The following PRKG1 variants were observed in gnomAD, a reference collection of about 807,000 sequenced individuals.
The protein encoded by PRKG1 is cGMP-dependent protein kinase 1.
In PRKG1, 35 loss-of-function variants were observed where a neutral mutation model predicts 88.1. That is an observed-to-expected ratio of 0.40 (90% CI 0.30 to 0.53). The LOEUF is 0.53. Among genes scored for constraint, PRKG1 ranks in the 20% least tolerant of loss-of-function variants. The pLI is 0.59. For synonymous variants in PRKG1, 303 were observed against 292.5 expected (o/e 1.04, Z -0.37); for missense variants, 540 against 839.8 (o/e 0.64, Z 4.41).
At position 51,392,995 on chromosome 10, in the gene PRKG1, G is replaced by T. The variant is rs569863230; in HGVS notation, c.479-74728G>T. ...CTCCCTCCCGGACAGGGTAGCTGCCGGGCAGAGACACTCCTCACTTCCCAG... is the reference window on the plus strand; with the variant it reads ...CTCCCTCCCGGACAGGGTAGCTGCCTGGCAGAGACACTCCTCACTTCCCAG... On this transcript the variant is annotated intron_variant, in intron 2 of 17. Coordinates refer to ENST00000373980, the MANE Select transcript of PRKG1 (RefSeq NM_006258.4). 1.2e-3 allele frequency among the ~76,000 whole-genome samples: 185 copies of T among 150,966 alleles called. 1 individual carries two copies. Among genetic ancestry groups the T allele is most frequent in the African/African-American group, 4.4e-3 (180 of 40,880 alleles).
At chr10:52,272,260 G>T (rs1236370542) in intron 11 of PRKG1, 132 bp from the exon 12 acceptor site, 2 of 588,918 alleles carry the variant, frequency 3.4e-6, no homozygotes, top group African/African-American at 1.9e-5. Flanking sequence ...CCATGTGTGG[G>T]CTTAGATCTC....
intron 4 of PRKG1, among the ~76,000 whole-genome samples, chr10:51,840,417 G>A (rs991230635): frequency 7.9e-5 from 12 of 151,974 alleles, no homozygotes; most frequent in Admixed American, 7.9e-4. Context: ...TTACAGTCAC[G>A]AATAGGCTTA....
At chr10:51,118,855 T>C (rs763813453) in intron 1 of PRKG1, among the ~76,000 whole-genome samples, 11 of 152,162 alleles carry the variant, frequency 7.2e-5, no homozygotes, top group Non-Finnish European at 1.0e-4. Flanking sequence ...TGGAACAAGC[T>C]AGGTTAATTG....
chr10:51,069,155 G>C (rs1393808307), intron 1 of PRKG1, among the ~76,000 whole-genome samples: 1 of 151,862 alleles, frequency 6.6e-6, no homozygotes, highest in Non-Finnish European at 1.5e-5. Context: ...CACTAATTCA[G>C]TATTAAATGC....
intron 2 of PRKG1, among the ~76,000 whole-genome samples, chr10:51,365,263 A>G (rs1030492179): frequency 6.6e-6 from 1 of 151,866 alleles, no homozygotes; most frequent in Non-Finnish European, 1.5e-5. Flanking sequence ...CATTAACAAC[A>G]TATCTAACAG....
intron 5 of PRKG1, among the ~76,000 whole-genome samples, chr10:52,053,510 T>C (rs904080596): frequency 6.6e-6 from 1 of 152,202 alleles, no homozygotes; most frequent in Non-Finnish European, 1.5e-5. Flanking sequence ...TAATGTTTTA[T>C]TTCCCAAAAA....
At chr10:52,174,186 A>G (rs2132715214) in intron 9 of PRKG1, among the ~76,000 whole-genome samples, 1 of 151,974 alleles carries the variant, frequency 6.6e-6, no homozygotes, top group South Asian at 2.1e-4. Flanking sequence ...ACTTTATGAT[A>G]TTACTTAAAC....
intron 1 of PRKG1, among the ~76,000 whole-genome samples, chr10:51,007,827 A>T (rs556046305): frequency 5.9e-5 from 9 of 152,244 alleles, no homozygotes; most frequent in African/African-American, 7.2e-5. Context: ...GGAAAGTAGG[A>T]AATACTAATT....
chr10:51,804,690 G>T lies in PRKG1; in HGVS notation c.698G>T (p.Ser233Ile), dbSNP rs755688639. 6.5e-7 allele frequency: 1 copy of T among 1,540,108 alleles called. No individual in the cohort carries two copies. The highest frequency in any genetic ancestry group is 1.1e-5 in the South Asian group (1 of 89,004). Residue 233 changes from serine to isoleucine, a missense_variant and splice_region_variant, in exon 4 of 18, where the codon AGC (serine) becomes ATC (isoleucine). Coordinates refer to ENST00000373980, the MANE Select transcript of PRKG1 (RefSeq NM_006258.4). ...KHTEYMEFLK[S>I]VPTFQSLPEE... is the part of the protein sequence containing the mutation. ...ACCGAGTATATGGAATTTTTAAAAA[G>T]GTAGGATGCTTTCTTTTCTCTTGTG...
At chr10:51,002,765 T>A (rs1325723659) in intron 1 of PRKG1, among the ~76,000 whole-genome samples, 1 of 152,196 alleles carries the variant, frequency 6.6e-6, no homozygotes, top group African/African-American at 2.4e-5. Flanking sequence ...CTTATTTTGG[T>A]CTGTCCCAGC....
intron 3 of PRKG1, among the ~76,000 whole-genome samples, chr10:51,794,014 T>G (rs1838943898): frequency 6.6e-6 from 1 of 152,058 alleles, no homozygotes; most frequent in African/African-American, 2.4e-5. Flanking sequence ...TCTGCCCAGC[T>G]CAGTCTCTCA....
At chr10:51,232,634 A>G (rs183467283) in intron 2 of PRKG1, among the ~76,000 whole-genome samples, 371 of 152,314 alleles carry the variant, frequency 2.4e-3, no homozygotes, top group Admixed American at 5.0e-3. Flanking sequence ...AAGACCTATG[A>G]TGGTACCTCA....
chr10:51,837,336 G>A (rs1024120282), intron 4 of PRKG1, among the ~76,000 whole-genome samples: 3 of 152,216 alleles, frequency 2.0e-5, no homozygotes, highest in African/African-American at 7.2e-5. Flanking sequence ...AAATTAAATA[G>A]CATACTTTAT....
At chr10:51,849,553 A>G (rs1840491285) in intron 4 of PRKG1, among the ~76,000 whole-genome samples, 2 of 152,078 alleles carry the variant, frequency 1.3e-5, no homozygotes, top group South Asian at 2.1e-4. Context: ...GGAGTTATCC[A>G]GAGATCTCTT....
intron 3 of PRKG1, among the ~76,000 whole-genome samples, chr10:51,624,902 TGGG>T (rs1307654245): frequency 6.6e-6 from 1 of 152,134 alleles, no homozygotes; most frequent in Non-Finnish European, 1.5e-5. Flanking sequence ...TATCAGAGGC[TGGG>T]GAGGGAAGGG....
chr10:51,995,936 C>G (rs1053028531), intron 5 of PRKG1, among the ~76,000 whole-genome samples: 3 of 152,008 alleles, frequency 2.0e-5, no homozygotes, highest in African/African-American at 7.3e-5. Flanking sequence ...CCCAAAAGCA[C>G]AAGCAACAAA....
chr10:51,782,441 C>T (rs1452238863), intron 3 of PRKG1, among the ~76,000 whole-genome samples: 10 of 152,100 alleles, frequency 6.6e-5, no homozygotes, highest in African/African-American at 9.7e-5. Context: ...TCATATCATA[C>T]GAGGCAGGTA....
intron 3 of PRKG1, among the ~76,000 whole-genome samples, chr10:51,715,000 T>G (rs1439148778): frequency 6.6e-6 from 1 of 152,158 alleles, no homozygotes; most frequent in Non-Finnish European, 1.5e-5. Flanking sequence ...ATGCCACTAT[T>G]CTTTTTTTAT....
intron 7 of PRKG1, among the ~76,000 whole-genome samples, chr10:52,069,698 C>T (rs1430944038): frequency 6.6e-6 from 1 of 151,964 alleles, no homozygotes. Context: ...CGCGTACTTC[C>T]TCTCCTTCCC....
Sources: gnomAD v4.1 joint callset for allele counts (sites outside exome capture counted in the v4.1 genomes callset) on GRCh38, gnomAD v4.1.1 for gene constraint, MANE v1.5 for transcripts, NCBI Gene and HGNC (gene_info 2026-07-23, HGNC 2026-07-21) for gene names.